ZNF124: variants seen among roughly 807,000 people sequenced by gnomAD.
ZNF124 encodes zinc finger protein HZF-16.
A neutral mutation model predicts 26.6 loss-of-function variants in ZNF124; 25 were observed. That is an observed-to-expected ratio of 0.94 (90% CI 0.68 to 1.31). The LOEUF (loss-of-function observed/expected upper bound fraction) is 1.31. Ranked by LOEUF, ZNF124 falls within the 40% of genes most tolerant of loss-of-function variation. The pLI is 0.00. For missense variants in ZNF124, 444 were observed against 422.2 expected, an observed-to-expected ratio of 1.05 and a Z score of -0.45; for synonymous variants, 129 against 133.3, an observed-to-expected ratio of 0.97 and a Z score of 0.22.
chr1:247,144,996 G>A (rs542483139), intron 3 of ZNF124, among the ~76,000 whole-genome samples: 1 of 152,144 alleles, frequency 6.6e-6, no homozygotes, highest in South Asian at 2.1e-4. Flanking sequence ...GGCCGGTCTC[G>A]AACTCCTGAC....
chr1:247,170,805 T>C (rs1162507036), intron 1 of ZNF124, among the ~76,000 whole-genome samples: 1 of 138,978 alleles, frequency 7.2e-6, no homozygotes, highest in African/African-American at 3.0e-5. Context: ...ACAGTGCTTT[T>C]CCATACAATG....
At chr1:247,153,009 T>G (rs1297942102), downstream of ZNF124, among the ~76,000 whole-genome samples, 2 of 152,038 alleles carry the variant, frequency 1.3e-5, no homozygotes, top group Non-Finnish European at 2.9e-5. Context: ...GACGGGCACC[T>G]GTAGTTCCAG....
exon 4 of ZNF124, chr1:247,122,198 T>C (rs1672099092): frequency 6.6e-6 from 1 of 152,234 alleles, no homozygotes; most frequent in African/African-American, 2.4e-5. Context: ...ATTTGATGAA[T>C]CAGATGAATC....
At chr1:247,124,949 C>T (rs75653371) in intron 3 of ZNF124, among the ~76,000 whole-genome samples, 8,323 of 152,178 alleles carry the variant, frequency 0.055, 295 homozygotes, top group South Asian at 0.19. Flanking sequence ...AGGCACACAC[C>T]GCCATGCCCG....
intron 1 of ZNF124, among the ~76,000 whole-genome samples, chr1:247,161,836 CAAAT>C (rs1234357528): frequency 5.3e-5 from 8 of 152,024 alleles, no homozygotes; most frequent in Admixed American, 3.3e-4. Context: ...ATTACCACAC[CAAAT>C]AAATACGCAG....
At chr1:247,137,411 A>G (rs112042658) in intron 3 of ZNF124, among the ~76,000 whole-genome samples, 6,701 of 139,454 alleles carry the variant, frequency 0.048, 223 homozygotes, top group South Asian at 0.17. Context: ...TGGGAGGCCA[A>G]GGTGGGTGGA....
Position 247,157,262 on chromosome 1 carries a change from T to G in ZNF124, c.360A>C (p.Gly120=), listed in dbSNP as rs765081235. The G allele has an allele frequency of 6.2e-7, 1 of 1,613,242 alleles. No individual in the cohort carries two copies. The highest frequency in any genetic ancestry group is 1.3e-5 in the African/African-American group (1 of 75,068). ...HRDTVMHTGN[G]HYGCTICEKV... ...TCTCACATATTGTACAACCATAATGTCCATTTCCAGTGTGCATTACTGTGT... is the reference window on the plus strand; with the variant it reads ...TCTCACATATTGTACAACCATAATGGCCATTTCCAGTGTGCATTACTGTGT... The change falls in exon 4 of 4, where the codon GGA becomes GGC. Residue 120 remains glycine, a synonymous_variant. Coordinates refer to ENST00000543802, the MANE Select transcript of ZNF124 (RefSeq NM_001297568.2).
In ZNF124 at chr1:247,155,561, C is replaced by T. The variant is rs1295429152; in HGVS notation, c.*1005G>A. Reference sequence around the variant, plus strand: ...CTCTTGTACTACTGCTTGAAGAATACTTACAGAAGTCTTGCCTCAGCTGGG... The same window carrying T: ...CTCTTGTACTACTGCTTGAAGAATATTTACAGAAGTCTTGCCTCAGCTGGG... On this transcript the variant is annotated 3_prime_UTR_variant, in exon 4 of 4. Coordinates refer to ENST00000543802, the MANE Select transcript of ZNF124 (RefSeq NM_001297568.2). Among the ~76,000 whole-genome samples, 3 of 152,124 alleles carry T rather than the reference C, an allele frequency of 2.0e-5. No individual in the cohort carries two copies. The highest frequency in any genetic ancestry group is 2.9e-5 in the Non-Finnish European group (2 of 68,004).
chr1:247,172,275 C>T (rs557809402), upstream of ZNF124, among the ~76,000 whole-genome samples: 1 of 151,932 alleles, frequency 6.6e-6, no homozygotes, highest in Non-Finnish European at 1.5e-5. Context: ...TACAATGTTA[C>T]ATTCATTTGT....
chr1:247,150,820 AAC>A (rs1187610288), downstream of ZNF124, among the ~76,000 whole-genome samples: 3 of 152,102 alleles, frequency 2.0e-5, no homozygotes, highest in African/African-American at 7.2e-5. Context: ...TCATTTAAAA[AAC>A]AAAATCTCTG....
chr1:247,146,125 C>T (rs2103109514), intron 3 of ZNF124, among the ~76,000 whole-genome samples: 1 of 152,322 alleles, frequency 6.6e-6, no homozygotes, highest in South Asian at 2.1e-4. Context: ...ATGGCTGACA[C>T]TGAAGTTCAG....
At chr1:247,145,794 A>G (rs2103109271) in intron 3 of ZNF124, among the ~76,000 whole-genome samples, 1 of 152,078 alleles carries the variant, frequency 6.6e-6, no homozygotes. Context: ...ATGCTTGGCT[A>G]ATTTTTGTAT....
intron 3 of ZNF124, among the ~76,000 whole-genome samples, chr1:247,127,805 C>T (rs116369032): frequency 2.1e-5 from 3 of 145,424 alleles, no homozygotes; most frequent in South Asian, 2.2e-4. Flanking sequence ...TTGGGGAGCT[C>T]GGTTTTTTGG....
At chr1:247,160,445 A>G (rs1279047118) in intron 1 of ZNF124, among the ~76,000 whole-genome samples, 3 of 152,170 alleles carry the variant, frequency 2.0e-5, no homozygotes, top group African/African-American at 4.8e-5. Context: ...TCTGGTGTGC[A>G]TAAGAGAGTT....
At chr1:247,154,915 CAAA>C (rs1451951532), downstream of ZNF124, among the ~76,000 whole-genome samples, 2 of 151,200 alleles carry the variant, frequency 1.3e-5, no homozygotes, top group African/African-American at 4.9e-5. Context: ...AATAGATGCA[CAAA>C]AACCATGAGA....
chr1:247,158,449 C>T (rs1053996121), intron 3 of ZNF124, among the ~76,000 whole-genome samples: 1 of 152,274 alleles, frequency 6.6e-6, no homozygotes, highest in South Asian at 2.1e-4. Context: ...CCAAATAAAA[C>T]TCTTCCTTAT....
In ZNF124 at chr1:247,145,240, G is replaced by A. The variant is rs190898134; in HGVS notation, c.218+13766C>T. ...ACAAATTGTAACATATGGATCAGGA[G>A]AAGGAAAAGATGGTAAAATCAGCCA... is the stretch of plus-strand genomic sequence containing the variant. On this transcript the variant is annotated intron_variant, in intron 3 of 3. Coordinates refer to the ZNF124 transcript ENST00000472531. Among the ~76,000 whole-genome samples the A allele has an allele frequency of 3.3e-4, 50 of 152,326 alleles. 1 individual carries two copies. The highest frequency in any genetic ancestry group is 1.1e-3 in the African/African-American group (47 of 41,584).
intron 1 of ZNF124, among the ~76,000 whole-genome samples, chr1:247,162,363 C>A (rs575112689): frequency 5.9e-5 from 9 of 152,018 alleles, no homozygotes; most frequent in African/African-American, 1.9e-4. Flanking sequence ...TTCAAGAGAC[C>A]CATCTCACAT....
chr1:247,148,374 A>G (rs1425896488), intron 3 of ZNF124, among the ~76,000 whole-genome samples: 1 of 152,218 alleles, frequency 6.6e-6, no homozygotes, highest in Non-Finnish European at 1.5e-5. Flanking sequence ...ATTTATCAGA[A>G]TCAATCGCAT....
Sources: gnomAD v4.1 joint callset for allele counts (sites outside exome capture counted in the v4.1 genomes callset) on GRCh38, gnomAD v4.1.1 for gene constraint, MANE v1.5 for transcripts, NCBI Gene and HGNC (gene_info 2026-07-23, HGNC 2026-07-21) for gene names.